The following ACAP2 variants were observed in gnomAD, a reference collection of about 807,000 sequenced individuals.
The protein encoded by ACAP2 is arf-GAP with coiled-coil, ANK repeat and PH domain-containing protein 2.
ACAP2 carries 39 observed loss-of-function variants against 115.8 expected under a neutral mutation model. That is an observed-to-expected ratio of 0.34 (90% CI 0.26 to 0.44). The LOEUF (loss-of-function observed/expected upper bound fraction) is 0.44. ACAP2 is among the 20% of genes least tolerant of loss of function. The probability of loss-of-function intolerance (pLI) is 1.00; values close to 1 mark genes in which losing one functional copy is unlikely to be tolerated. For missense variants in ACAP2, 662 were observed against 927.6 expected (o/e 0.71, Z 3.72); for synonymous variants, 289 against 315.8 (o/e 0.92, Z 0.90).
At chr3:195,306,256 CA>C (rs1164105506) in intron 13 of ACAP2, among the ~76,000 whole-genome samples, 1 of 152,060 alleles carries the variant, frequency 6.6e-6, no homozygotes, top group Non-Finnish European at 1.5e-5. Flanking sequence ...AAAACACTAA[CA>C]GGGAAATACC....
At chr3:195,420,445 T>C (rs930566001) in intron 1 of ACAP2, among the ~76,000 whole-genome samples, 1 of 151,368 alleles carries the variant, frequency 6.6e-6, no homozygotes, top group African/African-American at 2.4e-5. Context: ...GCCTCCCGGG[T>C]TCACGCCATT....
At chr3:195,428,983 G>A (rs564191095) in intron 1 of ACAP2, among the ~76,000 whole-genome samples, 6 of 152,212 alleles carry the variant, frequency 3.9e-5, no homozygotes, top group East Asian at 1.9e-4. Flanking sequence ...AAGAATGTTC[G>A]TAACAACTTT....
chr3:195,286,830 G>A (rs1726874264), intron 21 of ACAP2, among the ~76,000 whole-genome samples: 2 of 152,220 alleles, frequency 1.3e-5, no homozygotes, highest in Admixed American at 6.5e-5. Context: ...TTTAAGGGAA[G>A]GGTCCACTGC....
At chr3:195,372,651 C>T (rs750013649) in intron 4 of ACAP2, among the ~76,000 whole-genome samples, 1 of 151,668 alleles carries the variant, frequency 6.6e-6, no homozygotes, top group Non-Finnish European at 1.5e-5. Context: ...GGAAGACCCC[C>T]GCTCTACAAA....
intron 1 of ACAP2, among the ~76,000 whole-genome samples, chr3:195,419,734 T>C (rs1443844074): frequency 6.6e-6 from 1 of 152,196 alleles, no homozygotes; most frequent in East Asian, 1.9e-4. Context: ...TCTAGGGAAA[T>C]GTATGTAACC....
chr3:195,440,607 T>C (rs1294105455), intron 1 of ACAP2, among the ~76,000 whole-genome samples: 1 of 152,248 alleles, frequency 6.6e-6, no homozygotes, highest in East Asian at 1.9e-4. Context: ...AAGCTTTTTA[T>C]TTTGATACAA....
intron 4 of ACAP2, among the ~76,000 whole-genome samples, chr3:195,361,322 G>A (rs2108696089): frequency 6.6e-6 from 1 of 152,062 alleles, no homozygotes; most frequent in African/African-American, 2.4e-5. Context: ...TGTAATCTCA[G>A]CTACTCAGGA....
intron 14 of ACAP2, 38 bp downstream of exon 14, chr3:195,301,928 C>A: frequency 6.3e-7 from 1 of 1,595,256 alleles, no homozygotes; most frequent in South Asian, 1.1e-5. Context: ...TGTGTTTATC[C>A]AAAAGAAGAA....
chr3:195,328,916 A>G (rs998775714), intron 8 of ACAP2, among the ~76,000 whole-genome samples: 2 of 152,114 alleles, frequency 1.3e-5, no homozygotes, highest in Non-Finnish European at 2.9e-5. Flanking sequence ...TGCCTCTACT[A>G]AAAATACAAA....
chr3:195,388,482 C>A (rs530090862), intron 2 of ACAP2, among the ~76,000 whole-genome samples: 4 of 152,230 alleles, frequency 2.6e-5, no homozygotes, highest in Non-Finnish European at 4.4e-5. Context: ...CTACTGGTGG[C>A]ATACATTATA....
intron 9 of ACAP2, among the ~76,000 whole-genome samples, chr3:195,321,615 T>G (rs899600080): frequency 2.2e-5 from 1 of 45,194 alleles, no homozygotes; most frequent in Non-Finnish European, 4.4e-5. Flanking sequence ...AGTTCCTTTT[T>G]TTTTTCTTTT....
chr3:195,424,294 TTTTTTTTTTTTTTTTTTTG>T (rs1714482473), intron 1 of ACAP2, among the ~76,000 whole-genome samples: 1 of 73,442 alleles, frequency 1.4e-5, no homozygotes, highest in African/African-American at 4.8e-5. Flanking sequence ...TTTTTTTTTT[TTTTTTTTTTTTTTTTTTTG>T]AAACAGAGTC....
intron 22 of ACAP2, chr3:195,280,942 T>C (rs1019273072): frequency 6.6e-6 from 1 of 152,204 alleles, no homozygotes; most frequent in Non-Finnish European, 1.5e-5. Context: ...CACTCATTGC[T>C]ACAGATGTTG....
chr3:195,366,008 A>C lies in ACAP2; in HGVS notation c.285+15001T>G, dbSNP rs569621161. 1.1e-4 allele frequency among the ~76,000 whole-genome samples: 16 copies of C among 151,996 alleles called. No individual in the cohort carries two copies. The South Asian group carries it at 3.1e-3, about 30-fold the overall frequency. Reference sequence around the variant, plus strand: ...AGGCACGCGCCACCACACCCGAATAATTTTTGTATTTTTAGTAGAGATGGG... The same window carrying C: ...AGGCACGCGCCACCACACCCGAATACTTTTTGTATTTTTAGTAGAGATGGG... On this transcript the variant is annotated intron_variant, in intron 4 of 22. Coordinates refer to ENST00000326793, the MANE Select transcript of ACAP2 (RefSeq NM_012287.6).
At chr3:195,302,378 AC>A (rs890747187) in intron 13 of ACAP2, among the ~76,000 whole-genome samples, 2 of 152,222 alleles carry the variant, frequency 1.3e-5, no homozygotes, top group African/African-American at 2.4e-5. Flanking sequence ...GTGGGGAGAA[AC>A]GTGTAAACAT....
chr3:195,330,326 C>T (rs953517090), intron 8 of ACAP2, among the ~76,000 whole-genome samples: 4 of 152,142 alleles, frequency 2.6e-5, no homozygotes, highest in Admixed American at 6.5e-5. Context: ...ACCTCCAACC[C>T]GGCCATCTTA....
At chr3:195,311,600 G>C (rs576146508) in intron 10 of ACAP2, among the ~76,000 whole-genome samples, 3 of 152,222 alleles carry the variant, frequency 2.0e-5, no homozygotes, top group African/African-American at 4.8e-5. Context: ...GCAATGGCAC[G>C]ATCTCGGCTC....
intron 4 of ACAP2, among the ~76,000 whole-genome samples, chr3:195,365,104 T>C (rs1732627426): frequency 6.6e-6 from 1 of 152,140 alleles, no homozygotes; most frequent in Admixed American, 6.6e-5. Context: ...GAGAGTAGAA[T>C]GATGGTTAGC....
At chr3:195,394,415 G>A (rs184743353) in intron 1 of ACAP2, among the ~76,000 whole-genome samples, 3 of 152,206 alleles carry the variant, frequency 2.0e-5, no homozygotes, top group African/African-American at 4.8e-5. Context: ...AGATTTAATC[G>A]TTGGTTTCTA....
Sources: gnomAD v4.1 joint callset for allele counts (sites outside exome capture counted in the v4.1 genomes callset) on GRCh38, gnomAD v4.1.1 for gene constraint, MANE v1.5 for transcripts, NCBI Gene and HGNC (gene_info 2026-07-23, HGNC 2026-07-21) for gene names.